IL6ST: variants seen among roughly 807,000 people sequenced by gnomAD.
IL6ST encodes interleukin 6 cytokine family signal transducer.
In IL6ST, 24 loss-of-function variants were observed where a neutral mutation model predicts 91.3. The ratio of observed to expected loss-of-function variants is 0.26; its 90% confidence interval spans 0.19 to 0.37. IL6ST has a LOEUF of 0.37. Among genes scored for constraint, IL6ST ranks in the 10% least tolerant of loss-of-function variants. The pLI, the probability that IL6ST is intolerant of heterozygous loss-of-function variation, is 1.00. For missense variants in IL6ST, 914 were observed against 1,078.5 expected (o/e 0.85, Z 2.14); for synonymous variants, 351 against 373.6 (o/e 0.94, Z 0.70).
Position 55,960,514 on chromosome 5 carries a change from T to G in IL6ST, c.861A>C (p.Gln287His). ...TASTRSSFTV[Q>H]DLKPFTEYVF... ...CATATTCTGTAAAAGGTTTAAGGTC[T>G]TGGACAGTGAATGAAGATCGGGTGG... The change falls in exon 8 of 17, where the codon CAA (glutamine) becomes CAC (histidine). Residue 287 changes from glutamine (Q) to histidine (H), a missense_variant. By Grantham distance (24) the Gln-to-His change is conservative. Transcript: ENST00000381298. The G allele has an allele frequency of 6.2e-7, 1 of 1,614,132 alleles. No homozygotes were observed. Among genetic ancestry groups the G allele is most frequent in the Admixed American group, 1.7e-5 (1 of 60,014 alleles).
At chr5:55,983,470 T>C (rs1205194616) in intron 1 of IL6ST, among the ~76,000 whole-genome samples, 2 of 152,196 alleles carry the variant, frequency 1.3e-5, no homozygotes, top group South Asian at 2.1e-4. Flanking sequence ...ACAACTATTC[T>C]ATGTAACCAG....
chr5:55,964,430 A>G (rs1042368317), intron 5 of IL6ST, 118 bp from the exon 6 acceptor site: 1 of 613,060 alleles, frequency 1.6e-6, no homozygotes, highest in Non-Finnish European at 2.8e-6. Context: ...ACTTTGCAAT[A>G]TAACTGCTGG....
chr5:55,938,996 T>C lies in IL6ST; in HGVS notation c.*2086A>G, dbSNP rs956878938. ...CATTCTCATTCCTGTAGATTAAGAG[T>C]TCATATTGTATATCTGACCCTGAAA... On this transcript the variant is annotated 3_prime_UTR_variant, in exon 17 of 17. Coordinates refer to ENST00000381298, the MANE Select transcript of IL6ST (RefSeq NM_002184.4). The C allele has an allele frequency of 6.8e-5, 14 of 205,292 alleles. No homozygotes were observed. In the Admixed American group the frequency reaches 7.1e-4, roughly 10 times the overall value. The allele number at this position is 205,292 out of a possible 1,614,324, so 12.7% of individuals were successfully genotyped here. A position where few individuals can be genotyped will look rare whatever the true frequency, so the allele number is the denominator to read the frequency against.
chr5:55,948,729 GCTCT>G (rs951990029), intron 14 of IL6ST, among the ~76,000 whole-genome samples: 172 of 152,230 alleles, frequency 1.1e-3, no homozygotes, highest in African/African-American at 3.3e-3. Flanking sequence ...TGCTCATGCT[GCTCT>G]CTAAGATGCC....
intron 1 of IL6ST, among the ~76,000 whole-genome samples, chr5:55,993,006 A>G (rs559899910): frequency 6.6e-6 from 1 of 152,318 alleles, no homozygotes; most frequent in South Asian, 2.1e-4. Context: ...GCTGTGTAAA[A>G]TAATAAAGCA....
intron 3 of IL6ST, among the ~76,000 whole-genome samples, chr5:55,974,757 A>G (rs1367120876): frequency 6.6e-6 from 1 of 152,056 alleles, no homozygotes; most frequent in Non-Finnish European, 1.5e-5. Context: ...AAGTGCTTGG[A>G]TTACTGGCAT....
chr5:55,945,948 A>G (rs1751224637), intron 15 of IL6ST, among the ~76,000 whole-genome samples: 2 of 152,092 alleles, frequency 1.3e-5, no homozygotes, highest in Admixed American at 1.3e-4. Context: ...CTGCTTTTCT[A>G]AAGCCACAGT....
chr5:55,954,124 T>C (rs1297838439), intron 11 of IL6ST, among the ~76,000 whole-genome samples: 1 of 152,162 alleles, frequency 6.6e-6, no homozygotes, highest in East Asian at 1.9e-4. Flanking sequence ...AACATGTAAG[T>C]CCAAACAGCC....
chr5:55,946,731 C>T (rs2111630479), intron 15 of IL6ST, among the ~76,000 whole-genome samples: 1 of 150,920 alleles, frequency 6.6e-6, no homozygotes, highest in African/African-American at 2.4e-5. Flanking sequence ...GCAGGAGAAT[C>T]ACCTGAACTC....
intron 1 of IL6ST, among the ~76,000 whole-genome samples, chr5:55,985,497 G>A (rs1753912749): frequency 6.6e-6 from 1 of 150,686 alleles, no homozygotes; most frequent in East Asian, 1.9e-4. Context: ...CTCCAGCCTG[G>A]GTGACAAAAT....
chr5:55,959,644 C>CA, intron 8 of IL6ST: 1 of 1,297,568 alleles, frequency 7.7e-7, no homozygotes, highest in Non-Finnish European at 1.0e-6. Flanking sequence ...ATTCCAGGAT[C>CA]AACCGCTTCC....
chr5:55,971,499 T>C (rs940485686), intron 3 of IL6ST, among the ~76,000 whole-genome samples: 22 of 152,340 alleles, frequency 1.4e-4, no homozygotes, highest in African/African-American at 4.8e-4. Flanking sequence ...CTATTTGACA[T>C]GATTTTATTC....
chr5:55,986,194 T>A (rs942578094), intron 1 of IL6ST, among the ~76,000 whole-genome samples: 1 of 152,222 alleles, frequency 6.6e-6, no homozygotes, highest in African/African-American at 2.4e-5. Flanking sequence ...ACTTCTATCA[T>A]TGTTCAAAAA....
Position 55,957,291 on chromosome 5 carries a change from C to T in IL6ST, c.974G>A (p.Arg325Lys). 6.8e-7 allele frequency: 1 copy of T among 1,479,910 alleles called. No homozygotes were observed. The highest frequency in any genetic ancestry group is 1.2e-5 in the South Asian group (1 of 80,158). The allele number at this position is 1,479,910 out of a possible 1,614,324, so 91.7% of individuals were successfully genotyped here. The change falls in exon 9 of 17, where the codon AGA (arginine) becomes AAA (lysine). Residue 325 changes from arginine (R) to lysine (K), a missense_variant and splice_region_variant. Arg to Lys is a conservative substitution (Grantham distance 26). Coordinates refer to ENST00000381298, the MANE Select transcript of IL6ST (RefSeq NM_002184.4). Reference sequence around the variant, plus strand: ...CCAGAAACTTGGTGCTTTAGATGGTCCTAAAGAAAAGACATAAACTCCTTA... The same window carrying T: ...CCAGAAACTTGGTGCTTTAGATGGTTCTAAAGAAAAGACATAAACTCCTTA... ...EEASGITYEDRPSKAPSFWYK... is the reference protein window; with the variant it reads ...EEASGITYEDKPSKAPSFWYK...
rs995380817 is a variant in IL6ST, at chr5:55,994,776, C to G, written c.-104+8G>C. 6.5e-6 allele frequency: 1 copy of G among 152,884 alleles called. No individual in the cohort carries two copies. Among genetic ancestry groups the G allele is most frequent in the Non-Finnish European group, 1.5e-5 (1 of 68,620 alleles). The allele number at this position is 152,884 out of a possible 1,614,324, so 9.5% of individuals were successfully genotyped here. On this transcript the variant is annotated splice_region_variant and intron_variant, in intron 1 of 16. Transcript: ENST00000381298. ...AGCTACGCGACCCAGCACCCGGCCC[C>G]TCCTCACCTCAGGCCGCGCCGCCTC...
chr5:55,961,758 CAAAA>C (rs539670850), intron 7 of IL6ST, among the ~76,000 whole-genome samples: 2 of 110,434 alleles, frequency 1.8e-5, no homozygotes, highest in Non-Finnish European at 2.0e-5. Context: ...AACTCCATCT[CAAAA>C]AAAAAAAAAA....
chr5:55,945,648 CTTTTTTTTTTTTTT>C lies in IL6ST; in HGVS notation c.1937+1831_1937+1844del, dbSNP rs70995749. 1.4e-3 allele frequency among the ~76,000 whole-genome samples: 59 copies of C among 41,680 alleles called. 2 individuals carry two copies. The highest frequency in any genetic ancestry group is 8.1e-3 in the South Asian group (6 of 742). 27.3% of individuals were successfully genotyped at this position (41,680 alleles called of 152,430 possible). ...ACTTCATCAAAATAAAAAACTTATGCTTTTTTTTTTTTTTTTTTTTTTTTTTTTCAGACACTCTG... is the reference window on the plus strand; with the variant it reads ...ACTTCATCAAAATAAAAAACTTATGCTTTTTTTTTTTTTTCAGACACTCTG... On this transcript the variant is annotated intron_variant, in intron 15 of 16. Coordinates refer to ENST00000381298, the MANE Select transcript of IL6ST (RefSeq NM_002184.4).
rs2228044 is a variant in IL6ST, at chr5:55,968,325, C to G, written c.442G>C (p.Gly148Arg). The change falls in exon 5 of 17, where the codon GGT (glycine) becomes CGT (arginine). Residue 148 changes from glycine (G) to arginine (R), a missense_variant. Coordinates refer to ENST00000381298, the MANE Select transcript of IL6ST (RefSeq NM_002184.4). ...EGKKMRCEWDGGRETHLETNF... is the reference protein window; with the variant it reads ...EGKKMRCEWDRGRETHLETNF... Reference sequence around the variant, plus strand: ...GTCTCCAAGTGTGTTTCCCTTCCACCATCCCACTCACACCTCATTTTCTTC... The same window carrying G: ...GTCTCCAAGTGTGTTTCCCTTCCACGATCCCACTCACACCTCATTTTCTTC... 0.13 allele frequency: 208,684 copies of G among 1,599,816 alleles called. 18,164 individuals carry two copies. Among genetic ancestry groups the G allele is most frequent in the African/African-American group, 0.44 (32,523 of 73,506 alleles).
intron 1 of IL6ST, among the ~76,000 whole-genome samples, chr5:55,984,815 T>C (rs541257943): frequency 1.6e-4 from 24 of 152,138 alleles, no homozygotes; most frequent in Non-Finnish European, 3.4e-4. Flanking sequence ...AAATCCAATA[T>C]ACTTCTGTTA....
Sources: gnomAD v4.1 joint callset for allele counts (sites outside exome capture counted in the v4.1 genomes callset) on GRCh38, gnomAD v4.1.1 for gene constraint, MANE v1.5 for transcripts, NCBI Gene and HGNC (gene_info 2026-07-23, HGNC 2026-07-21) for gene names.